The following MCC variants were observed in gnomAD, a reference collection of about 807,000 sequenced individuals.
The protein encoded by MCC is colorectal mutant cancer protein.
MCC carries 90 observed loss-of-function variants against 116.2 expected under a neutral mutation model. The observed-to-expected ratio is 0.77, with a 90% CI of 0.65 to 0.92. MCC has a LOEUF of 0.92. MCC is among the 40% of genes least tolerant of loss of function. The pLI, the probability that MCC is intolerant of heterozygous loss-of-function variation, is 0.00. For missense variants in MCC, 1,516 were observed against 1,312.2 expected (o/e 1.16, Z -2.40); for synonymous variants, 578 against 510.5 (o/e 1.13, Z -1.78).
intron 3 of MCC, among the ~76,000 whole-genome samples, chr5:113,316,056 G>C (rs146211877): frequency 0.012 from 1,843 of 152,204 alleles, 20 homozygotes; most frequent in Middle Eastern, 0.024. Context: ...AGGAGTTTGA[G>C]ACCAGCCTGA....
At chr5:113,033,955 C>T (rs1488756976) in intron 17 of MCC, among the ~76,000 whole-genome samples, 1 of 152,166 alleles carries the variant, frequency 6.6e-6, no homozygotes, top group Non-Finnish European at 1.5e-5. Flanking sequence ...GCACAAATCA[C>T]AGCTCACTGC....
At chr5:113,338,729 G>A (rs914353624) in intron 3 of MCC, among the ~76,000 whole-genome samples, 1 of 152,236 alleles carries the variant, frequency 6.6e-6, no homozygotes, top group Non-Finnish European at 1.5e-5. Context: ...CATAGCCTAA[G>A]TCCAGGCCTA....
At chr5:113,477,483 A>G (rs1772263427) in intron 1 of MCC, among the ~76,000 whole-genome samples, 1 of 152,186 alleles carries the variant, frequency 6.6e-6, no homozygotes, top group South Asian at 2.1e-4. Context: ...GCATAAGAAT[A>G]CAATCCATGA....
At chr5:113,353,439 T>A (rs1329821760) in intron 2 of MCC, among the ~76,000 whole-genome samples, 2 of 152,136 alleles carry the variant, frequency 1.3e-5, no homozygotes, top group East Asian at 3.8e-4. Context: ...TATTTGTTTA[T>A]GAAAAAAATA....
chr5:113,437,696 C>G (rs182162084), intron 1 of MCC, among the ~76,000 whole-genome samples: 9 of 152,182 alleles, frequency 5.9e-5, no homozygotes, highest in Non-Finnish European at 8.8e-5. Flanking sequence ...AAAATCTACT[C>G]GGCAGTTTCT....
chr5:113,219,320 G>T (rs781373255), intron 3 of MCC, among the ~76,000 whole-genome samples: 1 of 152,238 alleles, frequency 6.6e-6, no homozygotes, highest in Non-Finnish European at 1.5e-5. Flanking sequence ...CCTTGGCAAT[G>T]AATTCTGGAG....
At chr5:113,451,145 C>G (rs28497782) in intron 1 of MCC, among the ~76,000 whole-genome samples, 4,778 of 152,226 alleles carry the variant, frequency 0.031, 118 homozygotes, top group African/African-American at 0.065. Flanking sequence ...TGGTGGCATA[C>G]CGCCAACCAC....
Position 113,246,351 on chromosome 5 carries a change from G to A in MCC, c.627+94168C>T, listed in dbSNP as rs556852629. Among the ~76,000 whole-genome samples, 7 of 152,204 alleles carry A rather than the reference G, an allele frequency of 4.6e-5. No homozygotes were observed. In the East Asian group the frequency reaches 5.8e-4, roughly 13 times the overall value. ...TTCATCTTTTTTAAAGCAATTTCTCGTGAAGTCTCATCTTGATTTAGAGGA... is the reference window on the plus strand; with the variant it reads ...TTCATCTTTTTTAAAGCAATTTCTCATGAAGTCTCATCTTGATTTAGAGGA... On this transcript the variant is annotated intron_variant, in intron 3 of 18. Coordinates refer to ENST00000408903, the MANE Select transcript of MCC (RefSeq NM_001085377.2).
intron 2 of MCC, among the ~76,000 whole-genome samples, chr5:113,343,489 T>C (rs1187135598): frequency 6.6e-6 from 1 of 152,250 alleles, no homozygotes; most frequent in Non-Finnish European, 1.5e-5. Flanking sequence ...AGGGCCTCTG[T>C]TCTGGCTCCA....
chr5:113,244,869 C>T, intron 3 of MCC, among the ~76,000 whole-genome samples: 1 of 152,186 alleles, frequency 6.6e-6, no homozygotes, highest in East Asian at 1.9e-4. Flanking sequence ...AAATGAAAAT[C>T]CACTATAACA....
rs375927612 is a variant in MCC, at chr5:113,034,642, G to A, written c.2757-5586C>T. Among the ~76,000 whole-genome samples the A allele has an allele frequency of 3.9e-5, 6 of 152,242 alleles. No individual in the cohort carries two copies. The South Asian group carries it at 8.3e-4, about 21-fold the overall frequency. On this transcript the variant is annotated intron_variant, in intron 17 of 18. Coordinates refer to ENST00000408903, the MANE Select transcript of MCC (RefSeq NM_001085377.2). ...ATTTCTTAGTAATTGCTGATTATAT[G>A]GAATTAGTCACTAAGAGAATTGTCT...
intron 18 of MCC, 143 bp from the exon 19 acceptor site, chr5:113,027,625 A>G (rs1750650383): frequency 3.8e-6 from 3 of 795,422 alleles, no homozygotes; most frequent in South Asian, 3.4e-5. Flanking sequence ...TCTGAAATCT[A>G]GTGGTCAGAG....
chr5:113,069,727 G>T (rs528807712), intron 12 of MCC, among the ~76,000 whole-genome samples: 1 of 152,040 alleles, frequency 6.6e-6, no homozygotes, highest in Non-Finnish European at 1.5e-5. Flanking sequence ...GACTACAGGC[G>T]TCCACCACCA....
At chr5:113,218,118 T>TGG (rs550970242) in intron 3 of MCC, among the ~76,000 whole-genome samples, 972 of 54,142 alleles carry the variant, frequency 0.018, 18 homozygotes, top group African/African-American at 0.039. Context: ...GGTGGGAAAC[T>TGG]GGGGGGAGTA....
intron 3 of MCC, among the ~76,000 whole-genome samples, chr5:113,325,329 A>AT (rs966693628): frequency 2.4e-4 from 37 of 152,308 alleles, no homozygotes; most frequent in Admixed American, 1.8e-3. Context: ...GATTCACACA[A>AT]TAAGAGTGCT....
At chr5:113,357,302 T>C (rs1768437461) in intron 2 of MCC, among the ~76,000 whole-genome samples, 1 of 152,286 alleles carries the variant, frequency 6.6e-6, no homozygotes, top group Admixed American at 6.5e-5. Context: ...AGCAAATATA[T>C]AGGGAAAATG....
intron 3 of MCC, among the ~76,000 whole-genome samples, chr5:113,332,557 C>T (rs1380440999): frequency 8.4e-6 from 1 of 118,626 alleles, no homozygotes; most frequent in African/African-American, 3.9e-5. Flanking sequence ...GAATGAGAAC[C>T]TGTCTCCAAA....
intron 3 of MCC, among the ~76,000 whole-genome samples, chr5:113,152,512 T>C (rs1450727076): frequency 1.3e-5 from 2 of 152,218 alleles, no homozygotes; most frequent in Admixed American, 1.3e-4. Context: ...CCAAGAAGGA[T>C]TTCAAGTAAG....
chr5:113,148,323 A>C (rs1759650325), intron 4 of MCC, among the ~76,000 whole-genome samples: 1 of 152,242 alleles, frequency 6.6e-6, no homozygotes, highest in African/African-American at 2.4e-5. Flanking sequence ...TCCCCATCAC[A>C]TTGGTATTGG....
Sources: gnomAD v4.1 joint callset for allele counts (sites outside exome capture counted in the v4.1 genomes callset) on GRCh38, gnomAD v4.1.1 for gene constraint, MANE v1.5 for transcripts, NCBI Gene and HGNC (gene_info 2026-07-23, HGNC 2026-07-21) for gene names.